TENM3: variants seen among roughly 807,000 people sequenced by gnomAD.
TENM3 encodes teneurin-3.
TENM3 carries 63 observed loss-of-function variants against 255.1 expected under a neutral mutation model. The ratio of observed to expected loss-of-function variants is 0.25; its 90% CI spans 0.20 to 0.30. The LOEUF (loss-of-function observed/expected upper bound fraction) is 0.30. TENM3 is among the 10% of genes least tolerant of loss of function. TENM3 has a pLI of 1.00. For synonymous variants in TENM3, 1,306 were observed against 1,322.3 expected (o/e 0.99, Z 0.27); for missense variants, 2,929 against 3,461.1 (o/e 0.85, Z 3.86).
chr4:181,824,560 T>C, the TENM3 span, among the ~76,000 whole-genome samples: 11 of 152,158 alleles, frequency 7.2e-5, no homozygotes, highest in Non-Finnish European at 1.5e-4. Context: ...GTATATATAC[T>C]TAAATGTCAT....
chr4:181,829,670 G>A, the TENM3 span, among the ~76,000 whole-genome samples: 1 of 152,320 alleles, frequency 6.6e-6, no homozygotes, highest in Admixed American at 6.5e-5. Context: ...TGTAGCAGAT[G>A]CTGCTGAACC....
At chr4:181,530,911 C>G in the TENM3 span, among the ~76,000 whole-genome samples, 1 of 152,028 alleles carries the variant, frequency 6.6e-6, no homozygotes, top group Non-Finnish European at 1.5e-5. Flanking sequence ...AAGCTGACAC[C>G]TGCACCAGTT....
chr4:182,775,288 A>G (rs1337073935), intron 24 of TENM3, 135 bp downstream of exon 24: 4 of 789,072 alleles, frequency 5.1e-6, no homozygotes, highest in East Asian at 2.7e-5. Context: ...TGTGGTTCCA[A>G]TCCCACATGG....
At chr4:181,730,251 T>C in the TENM3 span, among the ~76,000 whole-genome samples, 1 of 152,220 alleles carries the variant, frequency 6.6e-6, no homozygotes, top group Non-Finnish European at 1.5e-5. Context: ...CTTGGCTCTT[T>C]TCCACAAAAG....
chr4:181,811,641 A>G, the TENM3 span, among the ~76,000 whole-genome samples: 1 of 152,224 alleles, frequency 6.6e-6, no homozygotes, highest in Non-Finnish European at 1.5e-5. Context: ...AAGCATGAGC[A>G]AAAGGGCGTC....
At chr4:182,112,828 T>C in the TENM3 span, among the ~76,000 whole-genome samples, 1 of 152,228 alleles carries the variant, frequency 6.6e-6, no homozygotes, top group South Asian at 2.1e-4. Flanking sequence ...CAGCTCGATA[T>C]TGATTCTCCT....
chr4:182,621,812 A>T (rs201203071), intron 4 of TENM3, among the ~76,000 whole-genome samples: 48 of 982 alleles, frequency 0.049, no homozygotes, highest in Admixed American at 0.22. Context: ...TATATATATT[A>T]TATATATATA....
At chr4:181,819,678 AAGGAGCACTTGACCTT>A in the TENM3 span, among the ~76,000 whole-genome samples, 1 of 152,176 alleles carries the variant, frequency 6.6e-6, no homozygotes, top group Non-Finnish European at 1.5e-5. Context: ...AGATTCTCAT[AAGGAGCACTTGACCTT>A]AGATCCCTCC....
intron 3 of TENM3, among the ~76,000 whole-genome samples, chr4:182,479,473 A>G (rs547240182): frequency 6.6e-6 from 1 of 152,102 alleles, no homozygotes; most frequent in East Asian, 1.9e-4. Context: ...TGAGTACTTA[A>G]TTACTAAATT....
At chr4:181,763,002 A>T in the TENM3 span, among the ~76,000 whole-genome samples, 259 of 152,306 alleles carry the variant, frequency 1.7e-3, 1 homozygote, top group Non-Finnish European at 3.2e-3. Context: ...GAAAAATATG[A>T]TTGAAACCTT....
chr4:181,914,663 C>A, the TENM3 span, among the ~76,000 whole-genome samples: 6 of 151,924 alleles, frequency 3.9e-5, no homozygotes, highest in Non-Finnish European at 8.8e-5. Context: ...GAAGGCAGAA[C>A]AGAAGGAATA....
the TENM3 span, among the ~76,000 whole-genome samples, chr4:182,028,077 C>A: frequency 6.6e-6 from 1 of 152,126 alleles, no homozygotes; most frequent in South Asian, 2.1e-4. Flanking sequence ...TGGTAGAATT[C>A]AGCAGTGAAG....
At chr4:182,649,839 T>C (rs1753094286) in intron 5 of TENM3, among the ~76,000 whole-genome samples, 1 of 150,320 alleles carries the variant, frequency 6.7e-6, no homozygotes, top group Non-Finnish European at 1.5e-5. Context: ...AGTGTTATCG[T>C]AGCCTGTGGC....
At chr4:182,544,629 C>G (rs1166322974) in intron 3 of TENM3, among the ~76,000 whole-genome samples, 1 of 152,090 alleles carries the variant, frequency 6.6e-6, no homozygotes, top group Non-Finnish European at 1.5e-5. Flanking sequence ...AATAGGTAAC[C>G]TCTCAGTCTC....
At chr4:181,963,434 C>T in the TENM3 span, among the ~76,000 whole-genome samples, 1 of 152,116 alleles carries the variant, frequency 6.6e-6, no homozygotes, top group African/African-American at 2.4e-5. Flanking sequence ...AATTTCAAAG[C>T]TGGATTTGCC....
Position 182,799,849 on chromosome 4 carries a change from A to G in TENM3, c.7598A>G (p.Tyr2533Cys). The G allele has an allele frequency of 5.0e-6, 8 of 1,611,296 alleles. No homozygotes were observed. The highest frequency in any genetic ancestry group is 2.2e-5 in the East Asian group (1 of 44,776). The change falls in exon 28 of 28, where the codon TAC (tyrosine) becomes TGC (cysteine). Residue 2533 changes from tyrosine (Y) to cysteine (C), a missense_variant. By Grantham distance (194) the Tyr-to-Cys change is radical. Coordinates refer to ENST00000511685, the MANE Select transcript of TENM3 (RefSeq NM_001080477.4). This position sits in a 1 kb window ranked among gnomAD's most constrained non-coding sequence, Gnocchi z 4.2. Reference protein sequence around the residue: ...KVAAVLNNAFYLENLHFTIEG... With the variant: ...KVAAVLNNAFCLENLHFTIEG... ...GCGGCCGTGCTCAACAACGCCTTCT[A>G]CCTGGAGAACCTGCACTTCACCATC...
chr4:182,335,518 A>AAAAAAAAAAAC, intron 2 of TENM3, among the ~76,000 whole-genome samples: 1 of 147,774 alleles, frequency 6.8e-6, no homozygotes, highest in East Asian at 2.0e-4. Context: ...AAAAAAAAAA[A>AAAAAAAAAAAC]AGACGAAGCA....
the TENM3 span, among the ~76,000 whole-genome samples, chr4:182,098,865 G>A: frequency 6.6e-6 from 1 of 151,312 alleles, no homozygotes; most frequent in African/African-American, 2.4e-5. Flanking sequence ...TAAGTGAGGT[G>A]ATTGATATTC....
intron 3 of TENM3, among the ~76,000 whole-genome samples, chr4:182,498,787 G>A (rs901436735): frequency 2.6e-5 from 4 of 152,096 alleles, no homozygotes; most frequent in African/African-American, 7.2e-5. Flanking sequence ...CCCTGGAGGC[G>A]GAGGTTGCAG....
Sources: gnomAD v4.1 joint callset for allele counts (sites outside exome capture counted in the v4.1 genomes callset) on GRCh38, gnomAD v4.1.1 for gene constraint, Gnocchi (gnomAD v3.1) non-coding constraint, MANE v1.5 for transcripts, NCBI Gene and HGNC (gene_info 2026-07-23, HGNC 2026-07-21) for gene names.